RUFY1: variants seen among roughly 807,000 people sequenced by gnomAD.
The protein encoded by RUFY1 is RUN and FYVE domain containing 1, also known as RUN and FYVE domain-containing protein 1.
A neutral mutation model predicts 94.6 loss-of-function variants in RUFY1; 54 were observed. The observed-to-expected ratio is 0.57, with a 90% CI of 0.46 to 0.72. RUFY1 has a LOEUF of 0.72. Ranked by LOEUF, RUFY1 falls within the 30% of genes least tolerant of loss-of-function variation. RUFY1 has a pLI of 0.00. For synonymous variants in RUFY1, 396 were observed against 347.3 expected, an observed-to-expected ratio of 1.14 and a Z score of -1.56; for missense variants, 883 against 883.9, an observed-to-expected ratio of 1.00 and a Z score of 0.01.
intron 1 of RUFY1, among the ~76,000 whole-genome samples, chr5:179,553,745 A>G (rs1761973003): frequency 6.6e-6 from 1 of 152,170 alleles, no homozygotes; most frequent in Admixed American, 6.5e-5. Context: ...AGCCGAGACC[A>G]TTCCACTGCA....
intron 6 of RUFY1, among the ~76,000 whole-genome samples, chr5:179,579,278 C>A (rs1763897013): frequency 6.6e-6 from 1 of 152,166 alleles, no homozygotes; most frequent in Admixed American, 6.6e-5. Context: ...AAAATATATT[C>A]TTTTATTTCA....
Position 179,593,506 on chromosome 5 carries a change from T to C in RUFY1, c.1274T>C (p.Ile425Thr). ...LELEKELELQ[I>T]GMKTEMEIAM... ...CTGGAAAAAGAACTGGAGTTACAAATTGGAATGAAAACCGAAATGGAAATT... is the reference window on the plus strand; with the variant it reads ...CTGGAAAAAGAACTGGAGTTACAAACTGGAATGAAAACCGAAATGGAAATT... The change falls in exon 11 of 18, where the codon ATT becomes ACT. Residue 425 changes from isoleucine (I) to threonine (T), a missense_variant. Ile to Thr is a moderately conservative substitution (Grantham distance 89, BLOSUM62 -1). Coordinates refer to ENST00000319449, the MANE Select transcript of RUFY1 (RefSeq NM_025158.5). The C allele has an allele frequency of 6.2e-7, 1 of 1,606,952 alleles. No homozygotes were observed. The highest frequency in any genetic ancestry group is 8.5e-7 in the Non-Finnish European group (1 of 1,173,442).
chr5:179,550,746 C>G lies in RUFY1; in HGVS notation c.177C>G (p.Ala59=), dbSNP rs777712837. Reference sequence around the variant, plus strand: ...GGAGCGCAACGAGGCCGCGGGCGGCCGAGGGCTGGTCGGCGCCCATCCTGA... The same window carrying G: ...GGAGCGCAACGAGGCCGCGGGCGGCGGAGGGCTGGTCGGCGCCCATCCTGA... ...DLRSATRPRA[A]EGWSAPILTL... Residue 59 remains alanine (A), a synonymous_variant, in exon 1 of 18, where the codon GCC becomes GCG. Coordinates refer to ENST00000319449, the MANE Select transcript of RUFY1 (RefSeq NM_025158.5). 1 of 1,454,310 alleles carries G rather than the reference C, an allele frequency of 6.9e-7. No individual in the cohort carries two copies. The highest frequency in any genetic ancestry group is 9.1e-7 in the Non-Finnish European group (1 of 1,104,426). The allele number at this position is 1,454,310 out of a possible 1,614,324, so 90.1% of individuals were successfully genotyped here. A position where few individuals can be genotyped will look rare whatever the true frequency, so the allele number is the denominator to read the frequency against.
At chr5:179,577,631 G>C (rs1464732820) in intron 6 of RUFY1, among the ~76,000 whole-genome samples, 3 of 146,950 alleles carry the variant, frequency 2.0e-5, no homozygotes, top group Admixed American at 6.8e-5. Flanking sequence ...GAGCAAATCC[G>C]GGGCTGGAGG....
At position 179,608,848 on chromosome 5, in the gene RUFY1, T is replaced by C. The variant is rs867167501; in HGVS notation, c.1984-528T>C. ...TGGGAGGCTGAGGCAGGAGAATCGC[T>C]TGAACCCAGGTGGCAGAGGTTGCAG... On this transcript the variant is annotated intron_variant, in intron 17 of 17. Coordinates refer to ENST00000319449, the MANE Select transcript of RUFY1 (RefSeq NM_025158.5). 2.0e-5 allele frequency among the ~76,000 whole-genome samples: 3 copies of C among 151,084 alleles called. 1 individual carries two copies. Among genetic ancestry groups the C allele is most frequent in the Admixed American group, 1.3e-4 (2 of 15,124 alleles).
At chr5:179,607,304 T>C (rs893674054) in intron 16 of RUFY1, 2 of 488,168 alleles carry the variant, frequency 4.1e-6, no homozygotes, top group Non-Finnish European at 7.4e-6. Context: ...AGTGGGAGTG[T>C]GCCTGAGTGA....
chr5:179,580,271 C>G (rs1443028322), intron 6 of RUFY1, among the ~76,000 whole-genome samples: 1 of 90,980 alleles, frequency 1.1e-5, no homozygotes, highest in African/African-American at 3.2e-5. Context: ...GAGACGGAGT[C>G]TCGCTCTGTC....
chr5:179,573,878 T>C (rs560016468), intron 5 of RUFY1, among the ~76,000 whole-genome samples: 174 of 152,292 alleles, frequency 1.1e-3, no homozygotes, highest in African/African-American at 4.1e-3. Flanking sequence ...TTTTTTTGGA[T>C]CTATCAACAT....
At chr5:179,585,709 TC>T in intron 7 of RUFY1, 86 bp from the exon 8 acceptor site, 2 of 961,036 alleles carry the variant, frequency 2.1e-6, no homozygotes, top group South Asian at 1.4e-5. Context: ...ATACAGGAAA[TC>T]TAGGAATCTC....
chr5:179,581,643 G>A (rs755926593), intron 7 of RUFY1, among the ~76,000 whole-genome samples: 19 of 151,582 alleles, frequency 1.3e-4, no homozygotes, highest in South Asian at 6.3e-4. Flanking sequence ...TGTTCCTCCC[G>A]GTGCAGTTAC....
intron 14 of RUFY1, 73 bp from the exon 15 acceptor site, chr5:179,601,819 A>G (rs75814169): frequency 3.4e-5 from 1 of 29,404 alleles, no homozygotes; most frequent in Admixed American, 9.6e-4. Context: ...CCCTGTCTCA[A>G]AAAAAAAAAA....
At position 179,577,159 on chromosome 5, in the gene RUFY1, C is replaced by CTTTTTTTTTTTT. The variant is rs748319712; in HGVS notation, c.890+42_890+53dup. 18 of 186,710 alleles carry CTTTTTTTTTTTT rather than the reference C, an allele frequency of 9.6e-5. 2 individuals carry two copies. Among genetic ancestry groups the CTTTTTTTTTTTT allele is most frequent in the African/African-American group, 3.9e-4 (5 of 12,956 alleles). The allele number at this position is 186,710 out of a possible 1,614,324, so 11.6% of individuals were successfully genotyped here. ...GGAGTAAGTACTGCGTTGTATGTCA[C>CTTTTTTTTTTTT]TTTTTTTTTTTTTTTTTTTTTTTTT... is the stretch of plus-strand genomic sequence containing the variant. On this transcript the variant is annotated intron_variant, in intron 6 of 17. Transcript: ENST00000319449.
intron 5 of RUFY1, among the ~76,000 whole-genome samples, chr5:179,570,998 T>A (rs1346060940): frequency 6.6e-6 from 1 of 152,216 alleles, no homozygotes; most frequent in Non-Finnish European, 1.5e-5. Context: ...TAGAGTGAGA[T>A]GTTCGAAGGG....
intron 2 of RUFY1, among the ~76,000 whole-genome samples, chr5:179,560,675 G>C (rs1762384477): frequency 7.0e-6 from 1 of 143,582 alleles, no homozygotes; most frequent in Non-Finnish European, 1.5e-5. Context: ...GCAGTGAGCT[G>C]AGATCGCGCC....
intron 15 of RUFY1, among the ~76,000 whole-genome samples, 153 bp from the exon 16 acceptor site, chr5:179,605,723 G>A (rs528430700): frequency 2.0e-5 from 3 of 152,092 alleles, no homozygotes; most frequent in Admixed American, 2.0e-4. Context: ...CTCTGGGATT[G>A]TACAGAGGCG....
In RUFY1 at chr5:179,609,267, A is replaced by ATT. The variant is rs1370154771; in HGVS notation, c.1984-108_1984-107insTT. 41 of 1,135,020 alleles carry ATT rather than the reference A, an allele frequency of 3.6e-5. No homozygotes were observed. In the East Asian group the frequency reaches 9.6e-4, roughly 27 times the overall value. The allele number at this position is 1,135,020 out of a possible 1,614,324, so 70.3% of individuals were successfully genotyped here. A position where few individuals can be genotyped will look rare whatever the true frequency, so the allele number is the denominator to read the frequency against. On this transcript the variant is annotated intron_variant, in intron 17 of 17. Transcript: ENST00000319449. The stretch of plus-strand genomic sequence containing the variant: ...CAGCCCCTCACCACCCCACAGAAAC[A>ATT]TAAGAACCCATTCCCAGCAAATGAT...
At chr5:179,594,541 C>G (rs569674832) in intron 11 of RUFY1, among the ~76,000 whole-genome samples, 5 of 147,360 alleles carry the variant, frequency 3.4e-5, no homozygotes, top group African/African-American at 1.3e-4. Context: ...GCAGGCGGAT[C>G]ACGACGTCAG....
chr5:179,566,096 A>AT (rs1762811022), intron 3 of RUFY1, among the ~76,000 whole-genome samples: 1 of 151,850 alleles, frequency 6.6e-6, no homozygotes, highest in Non-Finnish European at 1.5e-5. Context: ...AGCCATCATC[A>AT]TGCCATTCAA....
intron 6 of RUFY1, among the ~76,000 whole-genome samples, chr5:179,580,688 A>G (rs1039709827): frequency 2.0e-5 from 3 of 151,538 alleles, no homozygotes. Context: ...TGGTGTTTTC[A>G]CCTTGCTTGC....
Sources: allele counts gnomAD v4.1 joint callset (sites outside exome capture counted in the v4.1 genomes callset), GRCh38; gene constraint gnomAD v4.1.1; transcripts MANE v1.5; gene names NCBI Gene and HGNC (gene_info 2026-07-23, HGNC 2026-07-21).